The following RALYL variants were observed in gnomAD, a reference collection of about 807,000 sequenced individuals.
RALYL encodes the protein RALY RNA binding protein like.
Under a neutral mutation model 35.1 loss-of-function variants are expected in RALYL, and 29 were observed. That is an observed-to-expected ratio of 0.83 (90% CI 0.61 to 1.13). The LOEUF (loss-of-function observed/expected upper bound fraction) is 1.13, where lower values mean the gene tolerates loss of function less well. RALYL is among the 50% of genes most tolerant of loss of function. The probability of loss-of-function intolerance (pLI) is 0.00; values close to 1 mark genes in which losing one functional copy is unlikely to be tolerated. For synonymous variants in RALYL, 120 were observed against 127.6 expected (o/e 0.94, Z 0.40); for missense variants, 359 against 360.4 (o/e 1.00, Z 0.03).
chr8:84,556,960 C>T (rs193157716), intron 2 of RALYL, among the ~76,000 whole-genome samples: 3 of 152,100 alleles, frequency 2.0e-5, no homozygotes, highest in Non-Finnish European at 2.9e-5. Context: ...GGTTACTTGA[C>T]GCATAGCATA....
At chr8:84,599,729 C>A (rs543051677) in intron 2 of RALYL, among the ~76,000 whole-genome samples, 348 of 152,182 alleles carry the variant, frequency 2.3e-3, no homozygotes, top group African/African-American at 5.2e-3. Context: ...ACAACAACAA[C>A]AATTTGGATT....
chr8:84,651,930 G>A (rs536995083), intron 2 of RALYL, among the ~76,000 whole-genome samples: 2 of 152,088 alleles, frequency 1.3e-5, no homozygotes, highest in South Asian at 4.1e-4. Context: ...TTGAATCTGA[G>A]AAAATGAGAA....
At chr8:84,595,151 C>T (rs765057416) in intron 2 of RALYL, among the ~76,000 whole-genome samples, 10 of 152,170 alleles carry the variant, frequency 6.6e-5, no homozygotes, top group South Asian at 2.1e-4. Context: ...AAGGTGGGCA[C>T]GGGGCAGGAA....
chr8:84,501,011 A>G (rs1439817121), intron 1 of RALYL, among the ~76,000 whole-genome samples: 1 of 152,174 alleles, frequency 6.6e-6, no homozygotes, highest in Non-Finnish European at 1.5e-5. Flanking sequence ...TTCTGTGAGT[A>G]CTTTTGAGAT....
intron 1 of RALYL, among the ~76,000 whole-genome samples, chr8:84,283,775 T>A (rs1373404442): frequency 2.0e-5 from 3 of 152,090 alleles, no homozygotes; most frequent in African/African-American, 7.2e-5. Flanking sequence ...GGAGGGGCAG[T>A]CAGGGTGGGA....
In RALYL at chr8:84,825,938, G is replaced by A. The variant is rs113364737; in HGVS notation, c.365+21136G>A. On this transcript the variant is annotated intron_variant, in intron 4 of 8. Coordinates refer to ENST00000521268, the MANE Select transcript of RALYL (RefSeq NM_173848.7). ...CAATAGTGGGCTGGAAAAAGAAAAC[G>A]TGGTACACATACACCATGGAATACT... 9.5e-3 allele frequency among the ~76,000 whole-genome samples: 1,442 copies of A among 152,084 alleles called. 23 individuals are homozygous for A. Among genetic ancestry groups the A allele is most frequent in the African/African-American group, 0.033 (1,363 of 41,472 alleles).
intron 1 of RALYL, among the ~76,000 whole-genome samples, chr8:84,246,926 G>A (rs1263920560): frequency 1.3e-5 from 2 of 152,170 alleles, no homozygotes; most frequent in South Asian, 2.1e-4. Flanking sequence ...AAAGCATGAT[G>A]GTTAACAATA....
chr8:84,697,260 G>T (rs541093856), intron 2 of RALYL, among the ~76,000 whole-genome samples: 69 of 151,880 alleles, frequency 4.5e-4, no homozygotes, highest in Non-Finnish European at 8.8e-4. Context: ...AGCCCATAAA[G>T]AATTACTTAT....
At chr8:84,600,441 C>T (rs1232359850) in intron 2 of RALYL, among the ~76,000 whole-genome samples, 1 of 152,112 alleles carries the variant, frequency 6.6e-6, no homozygotes, top group African/African-American at 2.4e-5. Context: ...TGACCATCCA[C>T]TTTCTGTTAT....
intron 2 of RALYL, among the ~76,000 whole-genome samples, chr8:84,604,528 C>T (rs1816692349): frequency 6.6e-6 from 1 of 152,152 alleles, no homozygotes. Context: ...GTGGGCTGTA[C>T]TTTGCTGCAA....
intron 2 of RALYL, among the ~76,000 whole-genome samples, chr8:84,732,215 AT>A (rs369185468): frequency 6.6e-6 from 1 of 152,008 alleles, no homozygotes; most frequent in African/African-American, 2.4e-5. Context: ...AGATATCACG[AT>A]TTTTTTGCTC....
At chr8:84,867,226 A>G (rs1839333396) in intron 6 of RALYL, among the ~76,000 whole-genome samples, 3 of 152,112 alleles carry the variant, frequency 2.0e-5, no homozygotes, top group Admixed American at 6.6e-5. Flanking sequence ...AGACCCCTCT[A>G]TGTTACAAGG....
At chr8:84,225,526 C>T (rs1163393410) in intron 1 of RALYL, among the ~76,000 whole-genome samples, 2 of 152,194 alleles carry the variant, frequency 1.3e-5, no homozygotes, top group African/African-American at 2.4e-5. Context: ...TTCAGTCACA[C>T]AGTCTTTCTC....
At chr8:84,554,507 T>G (rs1340656792) in intron 2 of RALYL, among the ~76,000 whole-genome samples, 2 of 152,176 alleles carry the variant, frequency 1.3e-5, no homozygotes, top group Middle Eastern at 3.2e-3. Context: ...TATTAAAACA[T>G]TCCAAGTTAT....
At chr8:84,407,040 ACACACACT>A (rs1205021694) in intron 1 of RALYL, among the ~76,000 whole-genome samples, 183 of 149,344 alleles carry the variant, frequency 1.2e-3, no homozygotes, top group African/African-American at 4.1e-3. Flanking sequence ...ATATATACAC[ACACACACT>A]CACACACACA....
intron 2 of RALYL, among the ~76,000 whole-genome samples, chr8:84,552,820 C>T (rs909624551): frequency 1.2e-4 from 18 of 151,556 alleles, no homozygotes; most frequent in Admixed American, 1.1e-3. Flanking sequence ...TAAAATATTT[C>T]CATCAAATTT....
chr8:84,828,698 G>A, intron 4 of RALYL: 1 of 184,326 alleles, frequency 5.4e-6, no homozygotes. Flanking sequence ...TTCTTGCTTA[G>A]CAAACTACAA....
intron 2 of RALYL, among the ~76,000 whole-genome samples, chr8:84,563,567 G>GT (rs765428641): frequency 0.015 from 2,180 of 144,292 alleles, 17 homozygotes; most frequent in Non-Finnish European, 0.021. Context: ...AAATTGGTAA[G>GT]TTTTTTTTTT....
At chr8:84,781,191 T>C (rs987862840) in intron 3 of RALYL, among the ~76,000 whole-genome samples, 2 of 152,188 alleles carry the variant, frequency 1.3e-5, no homozygotes, top group African/African-American at 2.4e-5. Context: ...TGTTTTTAGC[T>C]ATGATGATGT....
Sources: gnomAD v4.1 joint callset for allele counts (sites outside exome capture counted in the v4.1 genomes callset) on GRCh38, gnomAD v4.1.1 for gene constraint, MANE v1.5 for transcripts, NCBI Gene and HGNC (gene_info 2026-07-23, HGNC 2026-07-21) for gene names.